Variants in RNF212 observed in about 807,000 individuals in gnomAD.
The protein encoded by RNF212 is ring finger protein 212.
In RNF212, 33 loss-of-function variants were observed where a neutral mutation model predicts 34.7. The observed-to-expected ratio is 0.95, with a 90% CI of 0.72 to 1.27. The LOEUF is 1.27. Among genes scored for constraint, RNF212 ranks in the 50% most tolerant of loss-of-function variants. The probability of loss-of-function intolerance (pLI) is 0.00; values close to 1 mark genes in which losing one functional copy is unlikely to be tolerated. For synonymous variants in RNF212, 140 were observed against 136.1 expected (o/e 1.03, Z -0.20); for missense variants, 377 against 362.2 (o/e 1.04, Z -0.33).
chr4:1,095,956 C>G (rs1338741798), intron 3 of RNF212, among the ~76,000 whole-genome samples: 1 of 82,600 alleles, frequency 1.2e-5, no homozygotes, highest in East Asian at 3.1e-4. Flanking sequence ...GGATAGCGCA[C>G]CTGGCTCATC....
At chr4:1,083,370 T>C (rs957209422) in intron 5 of RNF212, among the ~76,000 whole-genome samples, 1 of 152,116 alleles carries the variant, frequency 6.6e-6, no homozygotes, top group Admixed American at 6.6e-5. Flanking sequence ...GGGCCGGGTG[T>C]GGTGGCTCAC....
Position 1,056,500 on chromosome 4 carries a change from C to CAAA in RNF212, n.223_224insTTT, listed in dbSNP as rs994402407. ...TGTCTTTGAAATGACTTCAAAACTT[C>CAAA]ACACTGTTGAGGAAAATGAGGGTGC... is the stretch of plus-strand genomic sequence containing the variant. On this transcript the variant is annotated non_coding_transcript_exon_variant, in exon 5 of 5. Transcript: ENST00000503206. 5 of 986,186 alleles carry CAAA rather than the reference C, an allele frequency of 5.1e-6. No homozygotes were observed. Among genetic ancestry groups the CAAA allele is most frequent in the Non-Finnish European group, 6.0e-6 (5 of 828,604 alleles). 61.1% of individuals were successfully genotyped at this position (986,186 alleles called of 1,614,324 possible). A position where few individuals can be genotyped will look rare whatever the true frequency, so the allele number is the denominator to read the frequency against.
chr4:1,093,635 G>A, intron 3 of RNF212: 1 of 1,535,978 alleles, frequency 6.5e-7, no homozygotes, highest in Non-Finnish European at 8.7e-7. Flanking sequence ...CTTCTCTCCT[G>A]AGACAGCACC....
intron 8 of RNF212, among the ~76,000 whole-genome samples, chr4:1,076,503 G>C (rs1226787827): frequency 1.3e-5 from 2 of 152,134 alleles, no homozygotes; most frequent in African/African-American, 4.8e-5. Flanking sequence ...GGTTCACCTC[G>C]AGAGAGGCCT....
At chr4:1,097,311 C>T (rs1004146383) in intron 2 of RNF212, among the ~76,000 whole-genome samples, 9 of 152,170 alleles carry the variant, frequency 5.9e-5, no homozygotes, top group Admixed American at 1.3e-4. Flanking sequence ...GTTTAAGAAA[C>T]AGCGTCTCGT....
In RNF212 at chr4:1,108,552, A is replaced by G. The variant is rs191281847; in HGVS notation, c.110-148T>C. The G allele has an allele frequency of 1.4e-4, 62 of 448,392 alleles. No homozygotes were observed. The Admixed American group carries it at 1.7e-3, about 12-fold the overall frequency. The allele number at this position is 448,392 out of a possible 1,614,324, so 27.8% of individuals were successfully genotyped here. A position where few individuals can be genotyped will look rare whatever the true frequency, so the allele number is the denominator to read the frequency against. ...GTTCTGACAGGATGAGGCTGTGGGT[A>G]CTGGTACAGTTGGAAGGATTTATAG... On this transcript the variant is annotated intron_variant, in intron 1 of 9. Transcript: ENST00000433731.
rs769377079 is a variant in RNF212 at position 1,081,556 on chromosome 4, A to C, written c.415+11T>G. On this transcript the variant is annotated intron_variant, in intron 6 of 9. Coordinates refer to ENST00000433731, the MANE Select transcript of RNF212 (RefSeq NM_001131034.4). Reference sequence around the variant, plus strand: ...TCTATTTTGTTCTCTTTCTGGCATGATTTTACTTACTTGAAACTGAACTTT... The same window carrying C: ...TCTATTTTGTTCTCTTTCTGGCATGCTTTTACTTACTTGAAACTGAACTTT... 14 of 1,610,220 alleles carry C rather than the reference A, an allele frequency of 8.7e-6. No individual in the cohort carries two copies. The Admixed American group carries it at 2.3e-4, about 27-fold the overall frequency.
At chr4:1,078,948 A>G (rs1269811304) in intron 8 of RNF212, among the ~76,000 whole-genome samples, 1,572 of 125,852 alleles carry the variant, frequency 0.012, 63 homozygotes, top group African/African-American at 0.049. Flanking sequence ...TCAACACAGG[A>G]CCAACACAGG....
intron 4 of RNF212, among the ~76,000 whole-genome samples, chr4:1,058,061 TAA>T (rs71168806): frequency 0.016 from 2,396 of 148,196 alleles, 61 homozygotes; most frequent in African/African-American, 0.052. Flanking sequence ...AGACTCCGGC[TAA>T]AAAAAAAAAA....
chr4:1,099,885 G>C (rs772748298), intron 2 of RNF212: 1 of 456,214 alleles, frequency 2.2e-6, no homozygotes, highest in South Asian at 1.5e-5. Flanking sequence ...CAGCTGTAAA[G>C]GCGTGCTGTT....
At chr4:1,110,978 A>T (rs988094792) in intron 1 of RNF212, among the ~76,000 whole-genome samples, 1 of 152,216 alleles carries the variant, frequency 6.6e-6, no homozygotes, top group African/African-American at 2.4e-5. Context: ...CTGCCAACGC[A>T]GAGTATGCTG....
downstream of RNF212, among the ~76,000 whole-genome samples, chr4:1,067,437 A>G (rs1718162160): frequency 6.6e-6 from 1 of 152,258 alleles, no homozygotes; most frequent in South Asian, 2.1e-4. Flanking sequence ...ATCTAACCAT[A>G]TGTTGTCTAT....
At chr4:1,092,994 G>A (rs1226607922) in intron 3 of RNF212, among the ~76,000 whole-genome samples, 1 of 31,754 alleles carries the variant, frequency 3.1e-5, no homozygotes, top group African/African-American at 5.7e-5. Context: ...CAGGACCAGG[G>A]TCTGCGTGCT....
At chr4:1,104,762 T>C (rs1724544063) in intron 2 of RNF212, among the ~76,000 whole-genome samples, 1 of 152,092 alleles carries the variant, frequency 6.6e-6, no homozygotes, top group East Asian at 1.9e-4. Flanking sequence ...TTCCCTCGGG[T>C]CCCGATTTGG....
At chr4:1,073,261 A>G (rs1010330880) in intron 9 of RNF212, 68 bp from the exon 10 acceptor site, 16 of 1,548,812 alleles carry the variant, frequency 1.0e-5, no homozygotes, top group Admixed American at 2.0e-5. Flanking sequence ...ATGTGTGCTG[A>G]GGGTGAGGGA....
intron 3 of RNF212, among the ~76,000 whole-genome samples, chr4:1,092,641 T>C (rs1340168277): frequency 6.6e-6 from 1 of 152,198 alleles, no homozygotes; most frequent in African/African-American, 2.4e-5. Context: ...AGAATATGCC[T>C]CTTGAACTGA....
intron 3 of RNF212, among the ~76,000 whole-genome samples, chr4:1,094,297 T>C (rs1029064487): frequency 2.0e-5 from 3 of 151,832 alleles, no homozygotes; most frequent in Non-Finnish European, 2.9e-5. Context: ...CTGGCAGCTT[T>C]CCCCCAGACT....
At chr4:1,058,811 G>C (rs1234271162) in intron 3 of RNF212, among the ~76,000 whole-genome samples, 1 of 152,174 alleles carries the variant, frequency 6.6e-6, no homozygotes, top group African/African-American at 2.4e-5. Flanking sequence ...CCCGTCACGG[G>C]GGCAGCTGTG....
downstream of RNF212, among the ~76,000 whole-genome samples, chr4:1,070,482 C>T (rs1718394834): frequency 1.1e-5 from 1 of 87,612 alleles, no homozygotes; most frequent in African/African-American, 3.0e-5. Context: ...GCTGTGTCAG[C>T]GTGGGTGCCT....
Sources: gnomAD v4.1 joint callset for allele counts (sites outside exome capture counted in the v4.1 genomes callset) on GRCh38, gnomAD v4.1.1 for gene constraint, MANE v1.5 for transcripts, NCBI Gene and HGNC (gene_info 2026-07-23, HGNC 2026-07-21) for gene names.